Variants in TBXAS1 observed in about 807,000 individuals in gnomAD.
TBXAS1 encodes thromboxane-A synthase.
Under a neutral mutation model 60.7 loss-of-function variants are expected in TBXAS1, and 48 were observed. That is an observed-to-expected ratio of 0.79 (90% confidence interval 0.63 to 1.01). TBXAS1 has a LOEUF of 1.01. TBXAS1 is among the 50% of genes least tolerant of loss of function. The probability of loss-of-function intolerance (pLI) is 0.00; values close to 1 mark genes in which losing one functional copy is unlikely to be tolerated. For missense variants in TBXAS1, 685 were observed against 686.3 expected (o/e 1.00, Z 0.02); for synonymous variants, 287 against 269.7 (o/e 1.06, Z -0.63).
chr7:140,015,280 G>A (rs548354854), intron 10 of TBXAS1, among the ~76,000 whole-genome samples: 3 of 152,204 alleles, frequency 2.0e-5, no homozygotes, highest in East Asian at 1.9e-4. Flanking sequence ...GAGAGGGAGC[G>A]AGAGGGTGAG....
chr7:139,990,368 A>G lies in TBXAS1; in HGVS notation c.1135-16723A>G, dbSNP rs188978056. On this transcript the variant is annotated intron_variant, in intron 9 of 12. Coordinates refer to ENST00000448866, the MANE Select transcript of TBXAS1 (RefSeq NM_001061.7). ...AGGGCCTGGTATTGAAGGGCAGCAG[A>G]TTCATTCCAGCATGACTACTGCAGC... Among the ~76,000 whole-genome samples the G allele has an allele frequency of 4.6e-5, 7 of 152,298 alleles. No homozygotes were observed. The East Asian group carries it at 1.4e-3, about 29-fold the overall frequency.
chr7:140,006,806 C>A (rs1249793160), intron 9 of TBXAS1, among the ~76,000 whole-genome samples: 1 of 152,166 alleles, frequency 6.6e-6, no homozygotes, highest in African/African-American at 2.4e-5. Context: ...ATCGTCAGCT[C>A]CCAATAAATG....
chr7:139,923,508 T>TTGATACATGCATGTATCATGCATGCA (rs752376648), intron 4 of TBXAS1, among the ~76,000 whole-genome samples: 34 of 151,886 alleles, frequency 2.2e-4, no homozygotes, highest in Non-Finnish European at 3.2e-4. Context: ...ATGAAATATT[T>TTGATACATGCATGTATCATGCATGCA]TGATACATGC....
chr7:139,851,413 C>A lies in TBXAS1; in HGVS notation c.90-20822C>A, dbSNP rs192040287. 7.9e-4 allele frequency among the ~76,000 whole-genome samples: 120 copies of A among 152,346 alleles called. 1 individual carries two copies. The highest frequency in any genetic ancestry group is 2.8e-3 in the African/African-American group (116 of 41,580). On this transcript the variant is annotated intron_variant, in intron 1 of 12. Transcript: ENST00000448866. ...TATAATTTTATTTTGTGGGTCAGTA[C>A]AATGCCTGACCCATAGCAAGTGCTT... is the stretch of plus-strand genomic sequence containing the variant.
chr7:139,938,189 G>C (rs1204589689), intron 5 of TBXAS1, among the ~76,000 whole-genome samples: 1 of 152,190 alleles, frequency 6.6e-6, no homozygotes, highest in African/African-American at 2.4e-5. Context: ...CTTCCTCCAA[G>C]ACTGGGTCTG....
rs8192825 is a variant in TBXAS1, at chr7:139,901,326, C to CAAA, written c.237-9886_237-9884dup. Among the ~76,000 whole-genome samples, 31 of 123,266 alleles carry CAAA rather than the reference C, an allele frequency of 2.5e-4. No homozygotes were observed. In the South Asian group the frequency reaches 4.4e-3, roughly 17 times the overall value. The allele number at this position is 123,266 out of a possible 152,430, so 80.9% of individuals were successfully genotyped here. A position where few individuals can be genotyped will look rare whatever the true frequency, so the allele number is the denominator to read the frequency against. ...GTTTTTAGCATTAGCAATATTACTA[C>CAAA]AAAAAAAAAAAAAAAGAAGCAGGAA... On this transcript the variant is annotated intron_variant, in intron 3 of 12. Coordinates refer to ENST00000448866, the MANE Select transcript of TBXAS1 (RefSeq NM_001061.7).
At chr7:139,912,949 A>C (rs1298957857) in intron 4 of TBXAS1, 3 of 604,250 alleles carry the variant, frequency 5.0e-6, no homozygotes, top group Admixed American at 2.7e-5. Context: ...TCTCAACTTA[A>C]GTCTAGAGCT....
upstream of TBXAS1, among the ~76,000 whole-genome samples, chr7:139,824,551 A>G (rs1279846918): frequency 6.6e-6 from 1 of 152,246 alleles, no homozygotes; most frequent in Non-Finnish European, 1.5e-5. Flanking sequence ...TGTACAGTGG[A>G]CTGAAGCAGC....
intron 10 of TBXAS1, among the ~76,000 whole-genome samples, chr7:140,014,759 C>G (rs1346373681): frequency 6.6e-6 from 1 of 151,900 alleles, no homozygotes; most frequent in Admixed American, 6.6e-5. Flanking sequence ...ACTAAAAACA[C>G]AAAAATTAGC....
chr7:139,869,070 T>C (rs1356465271), intron 1 of TBXAS1, among the ~76,000 whole-genome samples: 2 of 151,972 alleles, frequency 1.3e-5, no homozygotes, highest in East Asian at 3.9e-4. Context: ...AAGTGCTAGG[T>C]TTATAGGCAT....
chr7:139,998,753 C>T (rs939829231), intron 9 of TBXAS1, among the ~76,000 whole-genome samples: 2 of 152,318 alleles, frequency 1.3e-5, no homozygotes, highest in East Asian at 3.9e-4. Context: ...AGCCCAGAGC[C>T]ATCATGGAGA....
intron 3 of TBXAS1, among the ~76,000 whole-genome samples, chr7:139,878,819 G>C (rs999258597): frequency 1.3e-5 from 2 of 151,906 alleles, no homozygotes; most frequent in African/African-American, 4.8e-5. Flanking sequence ...ATCAATCCCA[G>C]CTTGGTCTTC....
rs1372022438 is a variant in TBXAS1, at chr7:139,975,750, C to T, written c.1134+13517C>T. ...CTGGGTTTGTTGGAGCTTTTTCTCC[C>T]TCTTGCCATGTCCTTTTCACGGTCC... On this transcript the variant is annotated intron_variant, in intron 9 of 12. Transcript: ENST00000448866. The surrounding 1 kb of genome is among the most constrained non-coding windows in gnomAD (Gnocchi z 4.4). Among the ~76,000 whole-genome samples, 2 of 152,218 alleles carry T rather than the reference C, an allele frequency of 1.3e-5. No individual in the cohort carries two copies. Among genetic ancestry groups the T allele is most frequent in the South Asian group, 2.1e-4 (1 of 4,838 alleles).
At chr7:139,784,004 T>A (rs937992674) in intron 3 of TBXAS1, among the ~76,000 whole-genome samples, 7 of 105,648 alleles carry the variant, frequency 6.6e-5, no homozygotes, top group Admixed American at 6.3e-4. Flanking sequence ...CTTGTTTAGT[T>A]TTTTTTGTTT....
chr7:139,894,122 T>C (rs1803886908), intron 3 of TBXAS1, among the ~76,000 whole-genome samples: 1 of 152,198 alleles, frequency 6.6e-6, no homozygotes. Flanking sequence ...AGAGCACAGC[T>C]TGACCCTGCC....
intron 10 of TBXAS1, 144 bp from the exon 11 acceptor site, chr7:140,015,579 G>A (rs950069865): frequency 2.1e-6 from 2 of 937,496 alleles, no homozygotes; most frequent in African/African-American, 1.6e-5. Flanking sequence ...CTGAGCAGGG[G>A]GTCCTCTGTC....
chr7:139,841,482 CTTTT>C (rs5887936), intron 1 of TBXAS1, among the ~76,000 whole-genome samples: 1 of 146,408 alleles, frequency 6.8e-6, no homozygotes. Context: ...ATCTATTTCC[CTTTT>C]TTTTTTTTTT....
intron 8 of TBXAS1, among the ~76,000 whole-genome samples, chr7:139,959,816 G>A (rs1810183386): frequency 6.6e-6 from 1 of 152,184 alleles, no homozygotes; most frequent in African/African-American, 2.4e-5. Flanking sequence ...GGGACTGACT[G>A]AGAGGTCTGG....
intron 3 of TBXAS1, among the ~76,000 whole-genome samples, chr7:139,903,088 C>T (rs1056828808): frequency 1.3e-5 from 2 of 151,982 alleles, no homozygotes; most frequent in Admixed American, 1.3e-4. Flanking sequence ...TATCCCTCAC[C>T]CTCCTCCCAC....
Sources: allele counts gnomAD v4.1 joint callset (sites outside exome capture counted in the v4.1 genomes callset), GRCh38; gene constraint gnomAD v4.1.1; non-coding constraint Gnocchi (gnomAD v3.1); transcripts MANE v1.5; gene names NCBI Gene and HGNC (gene_info 2026-07-23, HGNC 2026-07-21).